The following IP6K1 variants were observed in gnomAD, a reference collection of about 807,000 sequenced individuals.
The protein encoded by IP6K1 is inositol hexakisphosphate kinase 1.
Under a neutral mutation model 38.3 loss-of-function variants are expected in IP6K1, and 13 were observed. The ratio of observed to expected loss-of-function variants is 0.34; its 90% CI spans 0.22 to 0.54. The LOEUF (loss-of-function observed/expected upper bound fraction) is 0.54. Among genes scored for constraint, IP6K1 ranks in the 20% least tolerant of loss-of-function variants. The probability of loss-of-function intolerance (pLI) is 0.92; values close to 1 mark genes in which losing one functional copy is unlikely to be tolerated. For synonymous variants in IP6K1, 212 were observed against 229.9 expected, an observed-to-expected ratio of 0.92 and a Z score of 0.70; for missense variants, 397 against 599.8, an observed-to-expected ratio of 0.66 and a Z score of 3.53.
At chr3:49,734,350 G>C (rs567311138) in intron 3 of IP6K1, among the ~76,000 whole-genome samples, 63 of 150,074 alleles carry the variant, frequency 4.2e-4, no homozygotes, top group Non-Finnish European at 6.9e-4. Flanking sequence ...AAATTACAGA[G>C]CAAGCCTGCA....
intron 1 of IP6K1, chr3:49,775,508 C>A: frequency 1.2e-6 from 1 of 851,792 alleles, no homozygotes; most frequent in Non-Finnish European, 1.8e-6. Context: ...AGGAGTGCAC[C>A]ATCTAGGAGA....
At chr3:49,783,857 A>G (rs1469849546) in intron 1 of IP6K1, among the ~76,000 whole-genome samples, 1 of 152,158 alleles carries the variant, frequency 6.6e-6, no homozygotes, top group Non-Finnish European at 1.5e-5. Flanking sequence ...ATAAATAACT[A>G]AAGACTACTC....
At chr3:49,745,853 C>CAA (rs1182788414) in intron 2 of IP6K1, among the ~76,000 whole-genome samples, 6 of 56,866 alleles carry the variant, frequency 1.1e-4, no homozygotes, top group East Asian at 5.1e-4. Flanking sequence ...GACTCTGTCT[C>CAA]AAAAAAAAAA....
intron 1 of IP6K1, among the ~76,000 whole-genome samples, chr3:49,768,114 G>A (rs967056133): frequency 5.3e-5 from 8 of 151,546 alleles, no homozygotes; most frequent in African/African-American, 1.9e-4. Flanking sequence ...TGGTGAGAAT[G>A]TAAAGAAGAC....
intron 1 of IP6K1, among the ~76,000 whole-genome samples, chr3:49,765,973 A>G (rs998444880): frequency 1.3e-5 from 2 of 151,696 alleles, no homozygotes; most frequent in African/African-American, 4.8e-5. Flanking sequence ...TCAGGAGATC[A>G]AGACCATCCT....
intron 1 of IP6K1, among the ~76,000 whole-genome samples, chr3:49,779,381 G>A (rs150730194): frequency 6.6e-6 from 1 of 152,218 alleles, no homozygotes; most frequent in East Asian, 1.9e-4. Flanking sequence ...TGGACATTTG[G>A]GTTGCTTCTC....
rs74551371 is a variant in IP6K1, at chr3:49,726,810, G to A, written c.*312C>T. The A allele has an allele frequency of 5.3e-3, 2,313 of 434,048 alleles. 47 individuals carry two copies. The highest frequency in any genetic ancestry group is 0.039 in the African/African-American group (1,925 of 49,346). 26.9% of individuals were successfully genotyped at this position (434,048 alleles called of 1,614,324 possible). A position where few individuals can be genotyped will look rare whatever the true frequency, so the allele number is the denominator to read the frequency against. ...CCACAGATCTCAAAGATCTAGACAA[G>A]AGAAACCAATGTCCAAGGGCACCCT... On this transcript the variant is annotated 3_prime_UTR_variant, in exon 6 of 6. Transcript: ENST00000321599.
At position 49,756,554 on chromosome 3, in the gene IP6K1, A is replaced by G. The variant is rs1169160242; in HGVS notation, c.-128-8386T>C. Among the ~76,000 whole-genome samples the G allele has an allele frequency of 2.0e-5, 3 of 152,210 alleles. No individual in the cohort carries two copies. The East Asian group carries it at 5.8e-4, about 29-fold the overall frequency. ...GGAGAAGGGCCGGGCGCAGTGGCTCATGCCTGTAATCCTAGCACTTTGGGA... is the reference window on the plus strand; with the variant it reads ...GGAGAAGGGCCGGGCGCAGTGGCTCGTGCCTGTAATCCTAGCACTTTGGGA... On this transcript the variant is annotated intron_variant, in intron 1 of 5. Transcript: ENST00000321599.
chr3:49,737,405 G>C (rs1461939502), intron 3 of IP6K1, among the ~76,000 whole-genome samples: 1 of 152,186 alleles, frequency 6.6e-6, no homozygotes, highest in African/African-American at 2.4e-5. Flanking sequence ...CATAATTTGA[G>C]GCTGGTACAG....
chr3:49,770,873 G>A (rs1193877293), intron 1 of IP6K1, among the ~76,000 whole-genome samples: 1 of 152,078 alleles, frequency 6.6e-6, no homozygotes, highest in Non-Finnish European at 1.5e-5. Flanking sequence ...ATCTTGTGAG[G>A]CCCAGGCAAG....
In IP6K1 at chr3:49,738,376, G is replaced by A. The variant is rs1187708365; in HGVS notation, c.270C>T (p.Asn90=). 2 of 1,614,046 alleles carry A rather than the reference G, an allele frequency of 1.2e-6. No homozygotes were observed. The highest frequency in any genetic ancestry group is 1.7e-6 in the Non-Finnish European group (2 of 1,180,042). The change falls in exon 3 of 6, where the codon AAC becomes AAT. Residue 90 remains asparagine (N), a synonymous_variant. Coordinates refer to ENST00000321599, the MANE Select transcript of IP6K1 (RefSeq NM_153273.4). ...TTTCCACATAAGGATAGGCCACTAA[G>A]TTGATGTAACCATCACTGTCCCCCT... The part of the protein sequence containing the change: ...CFEGDSDGYI[N]LVAYPYVESE...
At chr3:49,739,589 G>A (rs1157883515) in intron 2 of IP6K1, among the ~76,000 whole-genome samples, 1 of 151,858 alleles carries the variant, frequency 6.6e-6, no homozygotes, top group Admixed American at 6.6e-5. Context: ...TCCTGACCTC[G>A]TGATCCACCC....
At chr3:49,785,587 C>T (rs1042865841) in intron 1 of IP6K1, 4 of 152,204 alleles carry the variant, frequency 2.6e-5, no homozygotes, top group African/African-American at 9.6e-5. Flanking sequence ...TTTTCCGATT[C>T]TAAGACACTC....
At chr3:49,737,460 C>A (rs1262376661) in intron 3 of IP6K1, among the ~76,000 whole-genome samples, 3 of 152,112 alleles carry the variant, frequency 2.0e-5, no homozygotes, top group African/African-American at 7.2e-5. Context: ...CCAAGGCAGG[C>A]GAATCGCCTG....
intron 1 of IP6K1, among the ~76,000 whole-genome samples, chr3:49,782,539 AG>A (rs2081074600): frequency 6.6e-6 from 1 of 152,204 alleles, no homozygotes; most frequent in African/African-American, 2.4e-5. Flanking sequence ...AGCCAGGCAC[AG>A]TGGCTCATGC....
chr3:49,727,347 C>T lies in IP6K1; in HGVS notation c.1101G>A (p.Glu367=). 1 of 1,614,088 alleles carries T rather than the reference C, an allele frequency of 6.2e-7. No individual in the cohort carries two copies. Among genetic ancestry groups the T allele is most frequent in the Non-Finnish European group, 8.5e-7 (1 of 1,180,024 alleles). Residue 367 remains glutamate (E), a synonymous_variant, in exon 6 of 6, where the codon GAG becomes GAA. Coordinates refer to ENST00000321599, the MANE Select transcript of IP6K1 (RefSeq NM_153273.4). This position sits in a 1 kb window ranked among gnomAD's most constrained non-coding sequence, Gnocchi z 5.9. Reference sequence around the variant, plus strand: ...TGCTGGGGCCACAGGATGACGCCACCTCAGGGAGCACCATGTCCAGGTGCT... The same window carrying T: ...TGCTGGGGCCACAGGATGACGCCACTTCAGGGAGCACCATGTCCAGGTGCT... ...RLKHLDMVLP[E]VASSCGPSTS... is the part of the protein sequence containing the mutation.
At chr3:49,745,854 A>C (rs1182451459) in intron 2 of IP6K1, among the ~76,000 whole-genome samples, 2 of 140,704 alleles carry the variant, frequency 1.4e-5, no homozygotes, top group East Asian at 2.1e-4. Flanking sequence ...ACTCTGTCTC[A>C]AAAAAAAAAA....
At chr3:49,745,282 A>C (rs543605002) in intron 2 of IP6K1, among the ~76,000 whole-genome samples, 1 of 152,340 alleles carries the variant, frequency 6.6e-6, no homozygotes, top group Non-Finnish European at 1.5e-5. Context: ...GACCTAATAA[A>C]CTAAAGGTTG....
intron 1 of IP6K1, among the ~76,000 whole-genome samples, chr3:49,773,292 A>G (rs2080975431): frequency 6.6e-6 from 1 of 152,208 alleles, no homozygotes; most frequent in Non-Finnish European, 1.5e-5. Flanking sequence ...CACTTACTTT[A>G]GAGACACCTG....
Sources: gnomAD v4.1 joint callset for allele counts (sites outside exome capture counted in the v4.1 genomes callset) on GRCh38, gnomAD v4.1.1 for gene constraint, Gnocchi (gnomAD v3.1) non-coding constraint, MANE v1.5 for transcripts, NCBI Gene and HGNC (gene_info 2026-07-23, HGNC 2026-07-21) for gene names.